RGS6: variants seen among roughly 807,000 people sequenced by gnomAD.
The protein encoded by RGS6 is regulator of G protein signaling 6.
In RGS6, 30 loss-of-function variants were observed where a neutral mutation model predicts 78.5. The ratio of observed to expected loss-of-function variants is 0.38; its 90% CI spans 0.29 to 0.52. The LOEUF (loss-of-function observed/expected upper bound fraction) is 0.52, where lower values mean the gene tolerates loss of function less well. RGS6 is among the 20% of genes least tolerant of loss of function. RGS6 has a pLI of 0.85. For missense variants in RGS6, 495 were observed against 609.7 expected (o/e 0.81, Z 1.98); for synonymous variants, 206 against 206.0 (o/e 1.00, Z 0.00).
chr14:72,484,439 G>T (rs1456384536), intron 12 of RGS6, among the ~76,000 whole-genome samples: 1 of 151,970 alleles, frequency 6.6e-6, no homozygotes, highest in Non-Finnish European at 1.5e-5. Context: ...CCATATATGT[G>T]TCCTTAGCTC....
intron 2 of RGS6, among the ~76,000 whole-genome samples, chr14:72,229,758 C>G (rs932610422): frequency 2.6e-5 from 4 of 152,194 alleles, no homozygotes; most frequent in African/African-American, 9.7e-5. Context: ...TTCTGGGACT[C>G]AAACAATATG....
intron 2 of RGS6, among the ~76,000 whole-genome samples, chr14:72,255,058 G>GCC (rs1168651292): frequency 6.6e-6 from 1 of 152,216 alleles, no homozygotes; most frequent in Admixed American, 6.5e-5. Context: ...GCTGTGCTGG[G>GCC]CCACTCAGCG....
chr14:72,322,840 A>T (rs2072479882), intron 2 of RGS6, among the ~76,000 whole-genome samples: 1 of 152,096 alleles, frequency 6.6e-6, no homozygotes, highest in Non-Finnish European at 1.5e-5. Context: ...AAATTCTCTA[A>T]TCTTGATGAA....
At chr14:72,550,443 C>G in intron 17 of RGS6, 1 of 1,533,576 alleles carries the variant, frequency 6.5e-7, no homozygotes, top group African/African-American at 1.4e-5. Context: ...TCTGAGCCCC[C>G]GTGCCTAACA....
chr14:71,973,411 G>A (rs2093930619), intron 2 of RGS6, among the ~76,000 whole-genome samples: 2 of 149,596 alleles, frequency 1.3e-5, no homozygotes, highest in South Asian at 4.2e-4. Flanking sequence ...CTGGCCACAT[G>A]CAGTGGCTCA....
intron 2 of RGS6, among the ~76,000 whole-genome samples, chr14:72,100,573 C>T (rs2095508268): frequency 6.6e-6 from 1 of 152,176 alleles, no homozygotes; most frequent in Non-Finnish European, 1.5e-5. Flanking sequence ...TGAAGTGTCA[C>T]AAACTGTCAG....
chr14:72,399,420 G>A (rs1307584748), intron 3 of RGS6, among the ~76,000 whole-genome samples: 1 of 151,958 alleles, frequency 6.6e-6, no homozygotes, highest in African/African-American at 2.4e-5. Context: ...TTGAGCCTAT[G>A]TGTGTCTCTG....
At chr14:72,620,007 C>T in the RGS6 span, 2 of 1,524,850 alleles carry the variant, frequency 1.3e-6, no homozygotes, top group Non-Finnish European at 1.8e-6. Flanking sequence ...AGAGTAAGCA[C>T]AGAGGAGGAG....
chr14:71,975,463 G>T (rs2094060855), intron 2 of RGS6, among the ~76,000 whole-genome samples: 1 of 151,376 alleles, frequency 6.6e-6, no homozygotes. Context: ...GGTGCTTGGG[G>T]ATTCTTTTTT....
intron 2 of RGS6, among the ~76,000 whole-genome samples, chr14:72,274,407 G>A (rs1041762388): frequency 1.3e-5 from 2 of 152,192 alleles, no homozygotes; most frequent in African/African-American, 2.4e-5. Context: ...GACTAGGGCA[G>A]CTCAACCCGC....
At chr14:71,950,445 G>A (rs1245559862) in intron 1 of RGS6, among the ~76,000 whole-genome samples, 4 of 152,074 alleles carry the variant, frequency 2.6e-5, no homozygotes, top group Non-Finnish European at 5.9e-5. Context: ...AAGATGTAAA[G>A]TAAAACCAAA....
At chr14:72,534,616 G>A (rs1456157319) in intron 15 of RGS6, among the ~76,000 whole-genome samples, 4 of 152,168 alleles carry the variant, frequency 2.6e-5, no homozygotes, top group Non-Finnish European at 5.9e-5. Flanking sequence ...TGGACTCATA[G>A]GTTGACTCCA....
chr14:72,395,961 T>C lies in RGS6; in HGVS notation c.184+43767T>C, dbSNP rs539219814. 2.0e-5 allele frequency among the ~76,000 whole-genome samples: 3 copies of C among 152,278 alleles called. 1 individual carries two copies. The East Asian group carries it at 5.8e-4, about 29-fold the overall frequency. ...TGGACATTTGGCTTGGTTCCAAGTC[T>C]TTGCTATTGTGAATAGTGCCGCAAT... is the stretch of plus-strand genomic sequence containing the variant. On this transcript the variant is annotated intron_variant, in intron 3 of 17. Coordinates refer to ENST00000553525, the MANE Select transcript of RGS6 (RefSeq NM_001204424.2).
At chr14:72,184,131 C>T (rs2097208003) in intron 2 of RGS6, among the ~76,000 whole-genome samples, 1 of 152,034 alleles carries the variant, frequency 6.6e-6, no homozygotes, top group African/African-American at 2.4e-5. Context: ...TCTCACACAC[C>T]CTGTGAGGCT....
At chr14:71,972,632 T>C (rs918124051) in intron 2 of RGS6, among the ~76,000 whole-genome samples, 1 of 151,894 alleles carries the variant, frequency 6.6e-6, no homozygotes, top group African/African-American at 2.4e-5. Context: ...GGTCAATGGG[T>C]GATCGATGTG....
chr14:72,383,177 CATATATATATAT>C lies in RGS6; in HGVS notation c.184+31009_184+31020del, dbSNP rs35175623. On this transcript the variant is annotated intron_variant, in intron 3 of 17. Coordinates refer to ENST00000553525, the MANE Select transcript of RGS6 (RefSeq NM_001204424.2). ...TATTTACAGCCATGAAAAAATTGTACATATATATATATATATATATATATATATATATATATA... is the reference window on the plus strand; with the variant it reads ...TATTTACAGCCATGAAAAAATTGTACATATATATATATATATATATATATA... 3.2e-3 allele frequency among the ~76,000 whole-genome samples: 228 copies of C among 71,026 alleles called. 1 individual carries two copies. Among genetic ancestry groups the C allele is most frequent in the African/African-American group, 4.2e-3 (85 of 20,474 alleles). 46.6% of individuals were successfully genotyped at this position (71,026 alleles called of 152,430 possible).
chr14:71,981,904 T>G (rs1335786354), intron 2 of RGS6, among the ~76,000 whole-genome samples: 2 of 149,734 alleles, frequency 1.3e-5, no homozygotes, highest in Admixed American at 1.3e-4. Context: ...GCCTTGCAGT[T>G]TGATCTCAGA....
At chr14:72,128,831 C>T (rs908955421) in intron 2 of RGS6, among the ~76,000 whole-genome samples, 1 of 152,146 alleles carries the variant, frequency 6.6e-6, no homozygotes, top group Non-Finnish European at 1.5e-5. Context: ...TCTCAGGCTC[C>T]GTATTAGCCC....
chr14:72,248,810 T>G (rs539242675), intron 2 of RGS6, among the ~76,000 whole-genome samples: 120 of 152,358 alleles, frequency 7.9e-4, no homozygotes, highest in Non-Finnish European at 1.6e-3. Context: ...TGCATTTTAG[T>G]AAGATCACTA....
Sources: allele counts gnomAD v4.1 joint callset (sites outside exome capture counted in the v4.1 genomes callset), GRCh38; gene constraint gnomAD v4.1.1; transcripts MANE v1.5; gene names NCBI Gene and HGNC (gene_info 2026-07-23, HGNC 2026-07-21).